The following FHIT variants were observed in gnomAD, a reference collection of about 807,000 sequenced individuals.
FHIT encodes the protein fragile histidine triad diadenosine triphosphatase, also known as bis(5'-adenosyl)-triphosphatase.
FHIT carries 19 observed loss-of-function variants against 17.9 expected under a neutral mutation model. The ratio of observed to expected loss-of-function variants is 1.06; its 90% confidence interval spans 0.74 to 1.56. The LOEUF is 1.56. Ranked by LOEUF, FHIT falls within the 40% of genes most tolerant of loss-of-function variation. The pLI, the probability that FHIT is intolerant of heterozygous loss-of-function variation, is 0.00. For synonymous variants in FHIT, 81 were observed against 69.7 expected (o/e 1.16, Z -0.81); for missense variants, 248 against 189.2 (o/e 1.31, Z -1.82).
intron 5 of FHIT, among the ~76,000 whole-genome samples, chr3:60,528,215 C>T (rs1372480561): frequency 6.6e-6 from 1 of 152,170 alleles, no homozygotes; most frequent in African/African-American, 2.4e-5. Context: ...AAGTGATCCC[C>T]CTGCTTCAGC....
chr3:61,083,218 G>A (rs566694209), intron 2 of FHIT, among the ~76,000 whole-genome samples: 8 of 152,278 alleles, frequency 5.3e-5, no homozygotes, highest in Middle Eastern at 3.4e-3. Flanking sequence ...AAGTGTATGT[G>A]ACTCAAAGTT....
chr3:60,961,576 T>C (rs1477323904), intron 3 of FHIT, among the ~76,000 whole-genome samples: 4 of 152,192 alleles, frequency 2.6e-5, no homozygotes, highest in Admixed American at 6.5e-5. Context: ...AACATTTAAG[T>C]CTTTAATCCA....
At chr3:60,682,658 G>C (rs1426509926) in intron 4 of FHIT, among the ~76,000 whole-genome samples, 2 of 152,168 alleles carry the variant, frequency 1.3e-5, no homozygotes, top group African/African-American at 4.8e-5. Context: ...TCACCCAAGA[G>C]TTCTGATGGA....
At chr3:60,123,914 C>T in intron 5 of FHIT, among the ~76,000 whole-genome samples, 1 of 141,100 alleles carries the variant, frequency 7.1e-6, no homozygotes, top group South Asian at 2.3e-4. Context: ...ATATTCCTAT[C>T]CACGACTTAG....
chr3:60,249,423 A>C (rs748087311), intron 5 of FHIT, among the ~76,000 whole-genome samples: 3 of 152,136 alleles, frequency 2.0e-5, no homozygotes, highest in Non-Finnish European at 2.9e-5. Flanking sequence ...CACTTGGGCT[A>C]TAAGGATAAG....
intron 5 of FHIT, among the ~76,000 whole-genome samples, chr3:60,466,536 A>G (rs2032803630): frequency 6.6e-6 from 1 of 151,990 alleles, no homozygotes; most frequent in African/African-American, 2.4e-5. Context: ...TATTGTGTCA[A>G]GGTATGTTCC....
chr3:59,819,167 GGTTAGCAAAGAAACC>G (rs1700705928), intron 8 of FHIT, among the ~76,000 whole-genome samples: 1 of 152,142 alleles, frequency 6.6e-6, no homozygotes, highest in Non-Finnish European at 1.5e-5. Flanking sequence ...TGGCCTACTG[GGTTAGCAAAGAAACC>G]GTTCTTTTCT....
At chr3:60,000,485 C>A (rs1335103576) in intron 7 of FHIT, among the ~76,000 whole-genome samples, 1 of 152,112 alleles carries the variant, frequency 6.6e-6, no homozygotes, top group African/African-American at 2.4e-5. Context: ...ACTATCTGGC[C>A]TTTTACAAAA....
At chr3:59,849,900 C>A (rs968090280) in intron 8 of FHIT, among the ~76,000 whole-genome samples, 3 of 152,178 alleles carry the variant, frequency 2.0e-5, no homozygotes, top group African/African-American at 4.8e-5. Context: ...TGTTCAGCTG[C>A]AGAAGCTATA....
intron 7 of FHIT, among the ~76,000 whole-genome samples, chr3:60,001,210 C>A (rs1339516126): frequency 6.6e-6 from 1 of 152,184 alleles, no homozygotes; most frequent in African/African-American, 2.4e-5. Flanking sequence ...CCTAGGCTGT[C>A]TTGCCTTCCA....
chr3:60,608,935 C>G (rs1371292638), intron 4 of FHIT, among the ~76,000 whole-genome samples: 3 of 151,630 alleles, frequency 2.0e-5, no homozygotes, highest in African/African-American at 7.3e-5. Context: ...GCAGAGTTTC[C>G]CTTAAAAACA....
At chr3:60,037,306 A>C (rs1178071329) in intron 5 of FHIT, among the ~76,000 whole-genome samples, 2 of 152,180 alleles carry the variant, frequency 1.3e-5, no homozygotes, top group East Asian at 3.9e-4. Context: ...ATACTGCCAA[A>C]TAGGCACTAG....
chr3:60,710,206 T>C (rs76232078), intron 4 of FHIT, among the ~76,000 whole-genome samples: 3,363 of 151,630 alleles, frequency 0.022, 126 homozygotes, highest in African/African-American at 0.077. Context: ...CAGTGAAAAA[T>C]GAAAGGCCAA....
chr3:60,014,012 T>C lies in FHIT; in HGVS notation c.244A>G (p.Met82Val). The change falls in exon 6 of 10, where the codon ATG becomes GTG. Residue 82 changes from methionine to valine, a missense_variant. Transcript: ENST00000492590. ...TGAGAAATCTGTACACTCACCTGCA[T>C]GGAAAAGGTGAGAGAGGTCCCATGG... The part of the protein sequence containing the change: ...HFHGTSLTFS[M>V]QDGPEAGQTV... The C allele has an allele frequency of 6.2e-7, 1 of 1,613,750 alleles. No homozygotes were observed. The highest frequency in any genetic ancestry group is 8.5e-7 in the Non-Finnish European group (1 of 1,179,752).
At chr3:60,310,944 CATTTAGCGCA>C (rs1708915405) in intron 5 of FHIT, among the ~76,000 whole-genome samples, 1 of 152,052 alleles carries the variant, frequency 6.6e-6, no homozygotes. Flanking sequence ...AAATAAATTG[CATTTAGCGCA>C]TACTTCTTAA....
At chr3:60,730,960 C>CAAAAAAAAAAAA (rs56078734) in intron 4 of FHIT, among the ~76,000 whole-genome samples, 1 of 135,798 alleles carries the variant, frequency 7.4e-6, no homozygotes, top group Non-Finnish European at 1.6e-5. Flanking sequence ...AATAAAAATA[C>CAAAAAAAAAAAA]AAAAAAAAAA....
intron 5 of FHIT, among the ~76,000 whole-genome samples, chr3:60,149,078 C>A (rs1040103493): frequency 6.6e-6 from 1 of 152,186 alleles, no homozygotes; most frequent in Non-Finnish European, 1.5e-5. Flanking sequence ...GACACTATAA[C>A]CCTTCTCGAA....
At chr3:59,885,584 C>T (rs1236971247) in intron 8 of FHIT, among the ~76,000 whole-genome samples, 2 of 152,056 alleles carry the variant, frequency 1.3e-5, no homozygotes, top group African/African-American at 4.8e-5. Context: ...GTTTGATCAT[C>T]CACTTTTCAA....
chr3:59,759,805 G>A (rs2106776423), intron 8 of FHIT, among the ~76,000 whole-genome samples: 1 of 152,090 alleles, frequency 6.6e-6, no homozygotes, highest in East Asian at 1.9e-4. Context: ...CTTTCTTGGT[G>A]GCCCAATGAA....
Sources: gnomAD v4.1 joint callset for allele counts (sites outside exome capture counted in the v4.1 genomes callset) on GRCh38, gnomAD v4.1.1 for gene constraint, MANE v1.5 for transcripts, NCBI Gene and HGNC (gene_info 2026-07-23, HGNC 2026-07-21) for gene names.